LEKR1: variants seen among roughly 807,000 people sequenced by gnomAD.
The protein encoded by LEKR1 is protein LEKR1.
In LEKR1, 59 loss-of-function variants were observed where a neutral mutation model predicts 72.4. That is an observed-to-expected ratio of 0.82 (90% CI 0.66 to 1.01). LEKR1 has a LOEUF of 1.01. Among genes scored for constraint, LEKR1 ranks in the 50% least tolerant of loss-of-function variants. The pLI is 0.00. For synonymous variants in LEKR1, 257 were observed against 263.2 expected, an observed-to-expected ratio of 0.98 and a Z score of 0.23; for missense variants, 728 against 759.2, an observed-to-expected ratio of 0.96 and a Z score of 0.48.
Position 156,890,566 on chromosome 3 carries a change from G to T in LEKR1, c.264-30009G>T, listed in dbSNP as rs572289941. Among the ~76,000 whole-genome samples the T allele has an allele frequency of 2.6e-5, 4 of 152,146 alleles. No homozygotes were observed. The South Asian group carries it at 8.3e-4, about 32-fold the overall frequency. On this transcript the variant is annotated intron_variant, in intron 3 of 12. Transcript: ENST00000356539. Reference sequence around the variant, plus strand: ...AATAATTCACATTATATATTTTTCTGAAGTTGGTAAACAGAAATTATATTA... The same window carrying T: ...AATAATTCACATTATATATTTTTCTTAAGTTGGTAAACAGAAATTATATTA...
chr3:156,855,108 A>C, intron 3 of LEKR1, among the ~76,000 whole-genome samples: 1 of 152,138 alleles, frequency 6.6e-6, no homozygotes, highest in Non-Finnish European at 1.5e-5. Flanking sequence ...TTGTTATTAC[A>C]TGTAGTATTT....
chr3:156,960,843 A>T (rs1191993396), intron 6 of LEKR1, among the ~76,000 whole-genome samples: 1 of 152,158 alleles, frequency 6.6e-6, no homozygotes, highest in African/African-American at 2.4e-5. Context: ...TGAAGACCAA[A>T]TTTTTTGTTT....
chr3:156,852,075 G>A (rs904285344), intron 2 of LEKR1: 7 of 152,238 alleles, frequency 4.6e-5, no homozygotes, highest in African/African-American at 1.7e-4. Context: ...GATGGTTAAA[G>A]GCACAGGTGC....
chr3:157,039,588 G>T (rs569914389), intron 12 of LEKR1, among the ~76,000 whole-genome samples: 7 of 152,238 alleles, frequency 4.6e-5, no homozygotes, highest in Admixed American at 2.0e-4. Flanking sequence ...TTCTGTACTC[G>T]AGCCTGGGCA....
At chr3:157,003,856 C>CA (rs1732205331) in intron 9 of LEKR1, among the ~76,000 whole-genome samples, 1 of 151,302 alleles carries the variant, frequency 6.6e-6, no homozygotes, top group Non-Finnish European at 1.5e-5. Flanking sequence ...GCTAATAAGC[C>CA]AACAAAAGAG....
intron 2 of LEKR1, among the ~76,000 whole-genome samples, chr3:156,834,755 T>C (rs1476796383): frequency 6.6e-6 from 1 of 152,200 alleles, no homozygotes; most frequent in Non-Finnish European, 1.5e-5. Flanking sequence ...TTTTCAAAAA[T>C]ATCATAGAAG....
intron 6 of LEKR1, among the ~76,000 whole-genome samples, chr3:156,955,493 G>A (rs1385271515): frequency 4.6e-5 from 7 of 151,900 alleles, no homozygotes; most frequent in Non-Finnish European, 1.0e-4. Flanking sequence ...GTCATATATG[G>A]CTCTTATTAT....
intron 3 of LEKR1, among the ~76,000 whole-genome samples, chr3:156,896,309 A>G (rs11709901): frequency 0.51 from 77,145 of 151,946 alleles, 21,263 homozygotes; most frequent in East Asian, 0.73. Context: ...ATGTTTACCT[A>G]TGTAACAAAC....
intron 5 of LEKR1, among the ~76,000 whole-genome samples, chr3:156,931,304 T>C (rs1005913192): frequency 6.6e-6 from 1 of 152,128 alleles, no homozygotes; most frequent in African/African-American, 2.4e-5. Context: ...CTCAACATTA[T>C]TAGCTCATCT....
intron 7 of LEKR1, among the ~76,000 whole-genome samples, chr3:156,989,162 G>C (rs1730953997): frequency 6.6e-6 from 1 of 152,158 alleles, no homozygotes; most frequent in South Asian, 2.1e-4. Flanking sequence ...TTTTTGCTTA[G>C]TGATATATCC....
At chr3:156,876,375 A>G (rs988531108) in intron 3 of LEKR1, among the ~76,000 whole-genome samples, 1 of 152,038 alleles carries the variant, frequency 6.6e-6, no homozygotes, top group Non-Finnish European at 1.5e-5. Context: ...AAGGATGATG[A>G]TGGTACTTTG....
intron 3 of LEKR1, among the ~76,000 whole-genome samples, chr3:156,869,419 G>A (rs112290534): frequency 0.032 from 4,849 of 152,028 alleles, 118 homozygotes; most frequent in Non-Finnish European, 0.048. Context: ...ATGATATCTC[G>A]TGGTTTTGGT....
intron 3 of LEKR1, among the ~76,000 whole-genome samples, chr3:156,904,696 G>A (rs1722367729): frequency 1.3e-5 from 2 of 150,844 alleles, no homozygotes; most frequent in African/African-American, 2.4e-5. Flanking sequence ...ACAGGGTCTC[G>A]CTATGTTGCC....
At chr3:156,896,559 G>T (rs899760248) in intron 3 of LEKR1, among the ~76,000 whole-genome samples, 20 of 152,098 alleles carry the variant, frequency 1.3e-4, no homozygotes, top group Admixed American at 1.0e-3. Flanking sequence ...AATAACAGAG[G>T]CTGATGAGGT....
chr3:156,896,043 A>C (rs900157584), intron 3 of LEKR1, among the ~76,000 whole-genome samples: 1 of 152,178 alleles, frequency 6.6e-6, no homozygotes, highest in Non-Finnish European at 1.5e-5. Flanking sequence ...AAAGAACAAG[A>C]GCATGTCCTT....
At chr3:156,880,790 A>G (rs1443242604) in intron 3 of LEKR1, among the ~76,000 whole-genome samples, 1 of 152,218 alleles carries the variant, frequency 6.6e-6, no homozygotes, top group African/African-American at 2.4e-5. Context: ...CACATCAAAA[A>G]ACTTATCCAC....
intron 7 of LEKR1, among the ~76,000 whole-genome samples, chr3:156,992,381 A>G (rs1308076889): frequency 6.6e-6 from 1 of 152,156 alleles, no homozygotes; most frequent in African/African-American, 2.4e-5. Flanking sequence ...GTCACTTTCC[A>G]ATACCTTCAC....
At chr3:156,991,561 T>C (rs565874611) in intron 7 of LEKR1, among the ~76,000 whole-genome samples, 19 of 152,248 alleles carry the variant, frequency 1.2e-4, no homozygotes, top group African/African-American at 4.6e-4. Context: ...TGAATACATT[T>C]AAATTGGATA....
chr3:156,949,453 C>T (rs1482888872), intron 6 of LEKR1, among the ~76,000 whole-genome samples: 1 of 151,470 alleles, frequency 6.6e-6, no homozygotes, highest in East Asian at 1.9e-4. Flanking sequence ...TCAGCTTTAT[C>T]AAAGATCAGA....
Sources: gnomAD v4.1 joint callset for allele counts (sites outside exome capture counted in the v4.1 genomes callset) on GRCh38, gnomAD v4.1.1 for gene constraint, MANE v1.5 for transcripts, NCBI Gene and HGNC (gene_info 2026-07-23, HGNC 2026-07-21) for gene names.